Variants in TTC3 observed in about 807,000 individuals in gnomAD.
The protein encoded by TTC3 is E3 ubiquitin-protein ligase TTC3.
TTC3 carries 180 observed loss-of-function variants against 249.6 expected under a neutral mutation model. That is an observed-to-expected ratio of 0.72 (90% CI 0.64 to 0.82). The LOEUF is 0.82. TTC3 is among the 40% of genes least tolerant of loss of function. The pLI, the probability that TTC3 is intolerant of heterozygous loss-of-function variation, is 0.00. For missense variants in TTC3, 2,061 were observed against 2,398.4 expected (o/e 0.86, Z 2.94); for synonymous variants, 717 against 805.0 (o/e 0.89, Z 1.85).
intron 14 of TTC3, 106 bp downstream of exon 14, chr21:37,124,848 C>CT: frequency 9.0e-7 from 1 of 1,106,146 alleles, no homozygotes; most frequent in Non-Finnish European, 1.3e-6. Flanking sequence ...GATTTGAACC[C>CT]TTTTTGCCTA....
chr21:37,160,850 G>T, exon 30 of TTC3: 1 of 1,612,742 alleles, frequency 6.2e-7, no homozygotes, highest in Non-Finnish European at 8.5e-7. Context: ...GAAGCCAAAG[G>T]ATTCAAAGGT....
chr21:37,188,607 T>C lies in TTC3; in HGVS notation c.5024+12T>C, dbSNP rs750859382. The stretch of plus-strand genomic sequence containing the variant: ...GGGCTGATTAGCCGGTATTGCAGTT[T>C]CGTGGGTGTTCTCAGCACGTCATTT... On this transcript the variant is annotated intron_variant, in intron 39 of 45. Coordinates refer to ENST00000355666, the Ensembl canonical transcript of TTC3. The C allele has an allele frequency of 6.2e-7, 1 of 1,608,820 alleles. No homozygotes were observed. The highest frequency in any genetic ancestry group is 1.1e-5 in the South Asian group (1 of 90,956).
Position 37,185,853 on chromosome 21 carries a change from T to C in TTC3, c.4826+79T>C, listed in dbSNP as rs564764673. 5 of 710,128 alleles carry C rather than the reference T, an allele frequency of 7.0e-6. No homozygotes were observed. In the African/African-American group the frequency reaches 7.5e-5, roughly 11 times the overall value. 44.0% of individuals were successfully genotyped at this position (710,128 alleles called of 1,614,324 possible). On this transcript the variant is annotated intron_variant, in intron 37 of 45. Coordinates refer to ENST00000355666, the Ensembl canonical transcript of TTC3. ...AGTACAAGCACAGTAGACTTTGAAATATATTGTTGCTTGTCTATTTCTTTT... is the reference window on the plus strand; with the variant it reads ...AGTACAAGCACAGTAGACTTTGAAACATATTGTTGCTTGTCTATTTCTTTT...
chr21:37,092,048 A>G (rs1248395302), intron 7 of TTC3, among the ~76,000 whole-genome samples: 1 of 152,210 alleles, frequency 6.6e-6, no homozygotes, highest in Non-Finnish European at 1.5e-5. Flanking sequence ...AAGTCACTGA[A>G]GCTAAGCTTA....
At chr21:37,188,351 A>G (rs974042740) in intron 38 of TTC3, 144 bp from the exon 39 acceptor site, 5 of 582,888 alleles carry the variant, frequency 8.6e-6, no homozygotes, top group Middle Eastern at 4.6e-4. Flanking sequence ...ATGTTCACCT[A>G]TGATACAATC....
At chr21:37,143,548 G>A (rs1430349631) in intron 20 of TTC3, among the ~76,000 whole-genome samples, 15 of 151,658 alleles carry the variant, frequency 9.9e-5, no homozygotes, top group South Asian at 2.1e-4. Context: ...ATGAGATACC[G>A]TCTCACACCA....
intron 15 of TTC3, among the ~76,000 whole-genome samples, chr21:37,128,135 T>C (rs1230564613): frequency 6.6e-6 from 1 of 152,172 alleles, no homozygotes; most frequent in East Asian, 1.9e-4. Flanking sequence ...CTGCTTTTGT[T>C]TTCTGAGGCC....
chr21:37,201,647 AAAAC>A (rs1336164597), exon 46 of TTC3: 3 of 1,559,466 alleles, frequency 1.9e-6, no homozygotes, highest in African/African-American at 1.4e-5. Flanking sequence ...ACTGGTGTAA[AAAAC>A]AAACATTTGA....
chr21:37,178,850 C>T (rs1269356521), intron 35 of TTC3, among the ~76,000 whole-genome samples: 1 of 152,014 alleles, frequency 6.6e-6, no homozygotes, highest in Non-Finnish European at 1.5e-5. Flanking sequence ...GTCCCAGCTA[C>T]TTGGGAGGCT....
In TTC3 at chr21:37,140,568, C is replaced by G. The variant is rs376677379; in HGVS notation, c.1667C>G (p.Ser556Cys). The stretch of plus-strand genomic sequence containing the variant: ...TTTTCACTGCTATTCAAGGAATTAT[C>G]TGAAGCCGAAAACCAGTTTAAGAGG... Residue 556 changes from serine to cysteine, a missense_variant, in exon 20 of 46, where the codon TCT becomes TGT. This residue lies in a region of TTC3 where 989 missense variants were observed against 1,145.1 expected (regional missense o/e 0.86). Transcript: ENST00000355666. 5.1e-6 allele frequency: 8 copies of G among 1,580,642 alleles called. No individual in the cohort carries two copies. The highest frequency in any genetic ancestry group is 6.9e-6 in the Non-Finnish European group (8 of 1,166,338).
chr21:37,158,220 C>T, intron 28 of TTC3: 1 of 985,312 alleles, frequency 1.0e-6, no homozygotes, highest in Non-Finnish European at 1.2e-6. Flanking sequence ...AAATGCTGTC[C>T]CGGGACTGAG....
chr21:37,177,109 C>T (rs763536032), intron 35 of TTC3, among the ~76,000 whole-genome samples: 2 of 151,724 alleles, frequency 1.3e-5, no homozygotes, highest in African/African-American at 2.4e-5. Context: ...GCTGTTCTTG[C>T]CTACATATCT....
chr21:37,076,388 T>C (rs2070862201), intron 1 of TTC3, among the ~76,000 whole-genome samples: 1 of 152,220 alleles, frequency 6.6e-6, no homozygotes, highest in Admixed American at 6.5e-5. Flanking sequence ...TATATACTTT[T>C]TGGTTCACAG....
intron 35 of TTC3, among the ~76,000 whole-genome samples, chr21:37,180,390 A>G (rs1231097367): frequency 6.6e-6 from 1 of 151,214 alleles, no homozygotes; most frequent in African/African-American, 2.4e-5. Context: ...ATTTATGTAT[A>G]TATTATCTTT....
chr21:37,090,035 G>T (rs1340195475), intron 5 of TTC3, among the ~76,000 whole-genome samples, 198 bp from the exon 6 acceptor site: 1 of 151,868 alleles, frequency 6.6e-6, no homozygotes, highest in African/African-American at 2.4e-5. Flanking sequence ...TTATTTTACT[G>T]CTAGAACCCT....
chr21:37,146,178 A>G (rs974583886), intron 21 of TTC3, among the ~76,000 whole-genome samples: 2 of 152,220 alleles, frequency 1.3e-5, no homozygotes, highest in Non-Finnish European at 2.9e-5. Flanking sequence ...TTGAGGCTGC[A>G]GTGAGCCTTG....
intron 15 of TTC3, 108 bp downstream of exon 15, chr21:37,126,251 T>A (rs540363843): frequency 1.2e-6 from 1 of 836,902 alleles, no homozygotes; most frequent in East Asian, 2.6e-5. Flanking sequence ...TTGTTCTCCT[T>A]TACTTTATAA....
chr21:37,197,743 A>G, intron 43 of TTC3, 47 bp downstream of exon 43: 1 of 1,438,956 alleles, frequency 6.9e-7, no homozygotes, highest in South Asian at 1.3e-5. Context: ...TTTATAAAAT[A>G]TGAGAATTGT....
intron 31 of TTC3, among the ~76,000 whole-genome samples, chr21:37,163,030 G>A (rs1384803314): frequency 6.6e-6 from 1 of 152,186 alleles, no homozygotes; most frequent in Admixed American, 6.5e-5. Flanking sequence ...TTGGTGATTA[G>A]GTTTCAACAT....
Sources: gnomAD v4.1 joint callset for allele counts (sites outside exome capture counted in the v4.1 genomes callset) on GRCh38, gnomAD v4.1.1 for gene constraint, gnomAD v4.1.1 regional missense constraint, MANE v1.5 for transcripts, NCBI Gene and HGNC (gene_info 2026-07-23, HGNC 2026-07-21) for gene names.